The following RADIL variants were observed in gnomAD, a reference collection of about 807,000 sequenced individuals.
RADIL encodes the protein Rap associating with DIL domain.
A neutral mutation model predicts 97.6 loss-of-function variants in RADIL; 99 were observed. The observed-to-expected ratio is 1.01, with a 90% CI of 0.86 to 1.20. The LOEUF (loss-of-function observed/expected upper bound fraction) is 1.20. RADIL is among the 50% of genes most tolerant of loss of function. RADIL has a pLI of 0.00. For missense variants in RADIL, 1,765 were observed against 1,498.9 expected (o/e 1.18, Z -2.93); for synonymous variants, 803 against 691.8 (o/e 1.16, Z -2.52).
Position 4,835,902 on chromosome 7 carries a change from G to A in RADIL, c.783+456C>T, listed in dbSNP as rs1242392016. 2.0e-5 allele frequency among the ~76,000 whole-genome samples: 3 copies of A among 152,242 alleles called. No individual in the cohort carries two copies. Among genetic ancestry groups the A allele is most frequent in the Admixed American group, 6.5e-5 (1 of 15,288 alleles). On this transcript the variant is annotated intron_variant, in intron 3 of 14. Transcript: ENST00000399583. The surrounding 1 kb of genome is among the most constrained non-coding windows in gnomAD (Gnocchi z 5.8). ...TGCTCTGATGGAAGTGGTGAGAAAC[G>A]GCTCTGGGCAGATAGGGGTGGCATG...
rs776310340 is a variant in RADIL at position 4,801,897 on chromosome 7, C to T, written c.2598G>A (p.Glu866=). Residue 866 remains glutamate (E), a synonymous_variant, in exon 12 of 15, where the codon GAG becomes GAA. Coordinates refer to ENST00000399583, the MANE Select transcript of RADIL (RefSeq NM_018059.5). Reference sequence around the variant, plus strand: ...GAGCCCCCCTCAAGGGAAGAGTACGCTCCGGGGCCACTTCCCGGGCTGCTG... The same window carrying T: ...GAGCCCCCCTCAAGGGAAGAGTACGTTCCGGGGCCACTTCCCGGGCTGCTG... The part of the protein sequence containing the change: ...PGPAAREVAP[E]RTLPLRGAPW... 2 of 1,574,904 alleles carry T rather than the reference C, an allele frequency of 1.3e-6. No individual in the cohort carries two copies. The highest frequency in any genetic ancestry group is 1.1e-5 in the South Asian group (1 of 86,998).
rs385944 is a variant in RADIL, at chr7:4,808,657, T to C, written c.2140-2941A>G. 4.8e-5 allele frequency: 45 copies of C among 940,796 alleles called. No individual in the cohort carries two copies. In the East Asian group the frequency reaches 6.1e-4, roughly 13 times the overall value. 58.3% of individuals were successfully genotyped at this position (940,796 alleles called of 1,614,324 possible). On this transcript the variant is annotated intron_variant, in intron 9 of 14. Coordinates refer to ENST00000399583, the MANE Select transcript of RADIL (RefSeq NM_018059.5). ...TCTCTCCTTCCAACGCCACTGCCCC[T>C]CCGCGTCCCCTTCCGACGCCACTGC...
intron 9 of RADIL, 84 bp from the exon 10 acceptor site, chr7:4,805,800 G>T: frequency 6.6e-7 from 1 of 1,511,366 alleles, no homozygotes; most frequent in Non-Finnish European, 8.9e-7. Context: ...CAGGTGGCCT[G>T]GGGGTAGCCA....
chr7:4,812,175 C>G (rs1447544279), intron 9 of RADIL, among the ~76,000 whole-genome samples: 1 of 152,208 alleles, frequency 6.6e-6, no homozygotes, highest in African/African-American at 2.4e-5. Flanking sequence ...GCTACCACAC[C>G]TGGCCTTTCA....
chr7:4,803,090 C>T (rs1381951866), intron 11 of RADIL, among the ~76,000 whole-genome samples: 1 of 63,868 alleles, frequency 1.6e-5, no homozygotes, highest in African/African-American at 1.5e-4. Context: ...CCTCCCCGGG[C>T]ACCTCGGGGC....
chr7:4,875,464 A>G (rs934474271), intron 2 of RADIL, among the ~76,000 whole-genome samples: 1 of 151,154 alleles, frequency 6.6e-6, no homozygotes, highest in African/African-American at 2.4e-5. Context: ...TGGCCCCACC[A>G]TCCTACACTG....
chr7:4,799,965 G>C (rs1223858751), intron 13 of RADIL, among the ~76,000 whole-genome samples, 196 bp from the exon 14 acceptor site: 1 of 152,204 alleles, frequency 6.6e-6, no homozygotes, highest in Non-Finnish European at 1.5e-5. Flanking sequence ...CCAAAGGCTT[G>C]AGGACAGAGG....
chr7:4,837,114 A>G lies in RADIL; in HGVS notation c.536-509T>C, dbSNP rs1583296010. On this transcript the variant is annotated intron_variant, in intron 2 of 14. Coordinates refer to ENST00000399583, the MANE Select transcript of RADIL (RefSeq NM_018059.5). The surrounding 1 kb of genome is among the most constrained non-coding windows in gnomAD (Gnocchi z 5.6). ...TCGAAAAACCAGACAGTGCCTTGGC[A>G]CCACCGTGGCACCCACAGAACAGTC... 6.6e-6 allele frequency among the ~76,000 whole-genome samples: 1 copy of G among 152,068 alleles called. No individual in the cohort carries two copies. Among genetic ancestry groups the G allele is most frequent in the African/African-American group, 2.4e-5 (1 of 41,404 alleles).
At chr7:4,865,655 T>G in intron 2 of RADIL, 1 of 929,758 alleles carries the variant, frequency 1.1e-6, no homozygotes, top group Non-Finnish European at 1.8e-6. Context: ...AGCTTTTCCA[T>G]TCACTTTGAT....
intron 2 of RADIL, chr7:4,858,931 G>C (rs1396526860): frequency 1.3e-5 from 2 of 152,214 alleles, no homozygotes; most frequent in Admixed American, 6.5e-5. Flanking sequence ...ACTAATGATT[G>C]AGGACAAGAG....
Position 4,842,363 on chromosome 7 carries a change from C to T in RADIL, c.536-5758G>A, listed in dbSNP as rs992336017. Among the ~76,000 whole-genome samples, 1 of 152,228 alleles carries T rather than the reference C, an allele frequency of 6.6e-6. No homozygotes were observed. The highest frequency in any genetic ancestry group is 1.5e-5 in the Non-Finnish European group (1 of 68,036). ...CAAGCCGAGCTGCTGAGCACATCCT[C>T]ATCTCCAAGGTGAGAAACTCACTCC... On this transcript the variant is annotated intron_variant, in intron 2 of 14. Transcript: ENST00000399583. The surrounding 1 kb of genome is among the most constrained non-coding windows in gnomAD (Gnocchi z 4.5).
rs917878702 is a variant in RADIL at position 4,821,661 on chromosome 7, G to A, written c.1615+733C>T. On this transcript the variant is annotated intron_variant, in intron 6 of 14. Transcript: ENST00000399583. The surrounding 1 kb of genome is among the most constrained non-coding windows in gnomAD (Gnocchi z 5.2). ...GGGGCGGATCAGGAGTTTGAGACCAGCCTGGCAAACATGGTGAAACCCCAT... is the reference window on the plus strand; with the variant it reads ...GGGGCGGATCAGGAGTTTGAGACCAACCTGGCAAACATGGTGAAACCCCAT... 1.3e-4 allele frequency among the ~76,000 whole-genome samples: 20 copies of A among 152,070 alleles called. 1 individual carries two copies. Among genetic ancestry groups the A allele is most frequent in the African/African-American group, 4.8e-4 (20 of 41,402 alleles).
intron 2 of RADIL, chr7:4,858,846 G>C (rs1783900229): frequency 6.6e-6 from 1 of 152,088 alleles, no homozygotes; most frequent in Admixed American, 6.5e-5. Context: ...TTTTTCTTGT[G>C]AAATGACACA....
Position 4,815,003 on chromosome 7 carries a change from G to A in RADIL, c.2139+275C>T, listed in dbSNP as rs541422083. ...TCTCCGAATCTCAAGGTCCTTAATC[G>A]TAGTCACACGTACAGAGGCTTCTTT... On this transcript the variant is annotated intron_variant, in intron 9 of 14. Coordinates refer to ENST00000399583, the MANE Select transcript of RADIL (RefSeq NM_018059.5). The surrounding 1 kb of genome is among the most constrained non-coding windows in gnomAD (Gnocchi z 8.0). Among the ~76,000 whole-genome samples the A allele has an allele frequency of 7.4e-4, 113 of 152,276 alleles. No homozygotes were observed. The highest frequency in any genetic ancestry group is 2.1e-3 in the Admixed American group (32 of 15,306).
chr7:4,870,029 C>T (rs1220521358), intron 2 of RADIL, among the ~76,000 whole-genome samples: 1 of 152,188 alleles, frequency 6.6e-6, no homozygotes, highest in Non-Finnish European at 1.5e-5. Context: ...TTCTCAGCTA[C>T]GCAGAGGGGC....
rs948335752 is a variant in RADIL at position 4,880,914 on chromosome 7, T to G, written c.-65+2682A>C. Among the ~76,000 whole-genome samples the G allele has an allele frequency of 4.6e-5, 7 of 151,910 alleles. No individual in the cohort carries two copies. Among genetic ancestry groups the G allele is most frequent in the African/African-American group, 1.5e-4 (6 of 41,336 alleles). ...GAGTTCAAGACTAGCCTGGGCAACA[T>G]AACAAGATCCCAATCTCTACAGAAA... On this transcript the variant is annotated intron_variant, in intron 1 of 14. Coordinates refer to ENST00000399583, the MANE Select transcript of RADIL (RefSeq NM_018059.5). This position sits in a 1 kb window ranked among gnomAD's most constrained non-coding sequence, Gnocchi z 4.5.
In RADIL at chr7:4,873,767, G is replaced by A. The variant is rs765549956; in HGVS notation, c.535+3838C>T. Reference sequence around the variant, plus strand: ...GTGCCCAGGGAGGCGCAGGACAGGCGGGCTGCTGGAAGGCGCAGAGCTCAC... The same window carrying A: ...GTGCCCAGGGAGGCGCAGGACAGGCAGGCTGCTGGAAGGCGCAGAGCTCAC... On this transcript the variant is annotated intron_variant, in intron 2 of 14. Transcript: ENST00000399583. The surrounding 1 kb of genome is among the most constrained non-coding windows in gnomAD (Gnocchi z 4.3). 7.2e-5 allele frequency among the ~76,000 whole-genome samples: 11 copies of A among 152,342 alleles called. No individual in the cohort carries two copies. Among genetic ancestry groups the A allele is most frequent in the South Asian group, 4.1e-4 (2 of 4,830 alleles).
intron 2 of RADIL, among the ~76,000 whole-genome samples, chr7:4,855,731 C>A (rs1783812839): frequency 6.6e-6 from 1 of 150,782 alleles, no homozygotes; most frequent in Non-Finnish European, 1.5e-5. Flanking sequence ...CCGTTCCTAG[C>A]TCCTCTTCCG....
chr7:4,841,243 G>A (rs1368764171), intron 2 of RADIL, among the ~76,000 whole-genome samples: 6 of 144,394 alleles, frequency 4.2e-5, no homozygotes, highest in African/African-American at 1.5e-4. Flanking sequence ...CTTCTTCAAG[G>A]ACCCCTGGGA....
Sources: allele counts gnomAD v4.1 joint callset (sites outside exome capture counted in the v4.1 genomes callset), GRCh38; gene constraint gnomAD v4.1.1; non-coding constraint Gnocchi (gnomAD v3.1); transcripts MANE v1.5; gene names NCBI Gene and HGNC (gene_info 2026-07-23, HGNC 2026-07-21).